Variants in NXPH1 observed in about 807,000 individuals in gnomAD.
The protein encoded by NXPH1 is neurexophilin 1, also known as neurexophilin-1.
NXPH1 carries 5 observed loss-of-function variants against 23.7 expected under a neutral mutation model. The ratio of observed to expected loss-of-function variants is 0.21; its 90% confidence interval spans 0.11 to 0.44. NXPH1 has a LOEUF of 0.44. Among genes scored for constraint, NXPH1 ranks in the 20% least tolerant of loss-of-function variants. The pLI, the probability that NXPH1 is intolerant of heterozygous loss-of-function variation, is 0.99. For missense variants in NXPH1, 324 were observed against 321.6 expected, an observed-to-expected ratio of 1.01 and a Z score of -0.06; for synonymous variants, 144 against 122.2, an observed-to-expected ratio of 1.18 and a Z score of -1.18.
At chr7:8,743,845 G>A (rs1057048322) in intron 2 of NXPH1, among the ~76,000 whole-genome samples, 4 of 151,694 alleles carry the variant, frequency 2.6e-5, no homozygotes, top group East Asian at 3.9e-4. Flanking sequence ...CACCGTGCCC[G>A]GCCAATTTTT....
chr7:8,537,533 G>C (rs1472160933), intron 2 of NXPH1, among the ~76,000 whole-genome samples: 1 of 151,850 alleles, frequency 6.6e-6, no homozygotes, highest in Non-Finnish European at 1.5e-5. Context: ...ACTATCATCA[G>C]AACAGCATGG....
At chr7:8,710,765 C>T (rs374281447) in intron 2 of NXPH1, among the ~76,000 whole-genome samples, 1 of 135,554 alleles carries the variant, frequency 7.4e-6, no homozygotes, top group African/African-American at 3.2e-5. Context: ...CGGGTTCACG[C>T]CATTCTCCTG....
intron 2 of NXPH1, among the ~76,000 whole-genome samples, chr7:8,509,803 GA>G (rs1380212016): frequency 6.6e-6 from 1 of 152,108 alleles, no homozygotes; most frequent in African/African-American, 2.4e-5. Context: ...AAACCAATGT[GA>G]AAAATGTCTC....
chr7:8,697,751 G>A (rs1487930253), intron 2 of NXPH1, among the ~76,000 whole-genome samples: 2 of 152,200 alleles, frequency 1.3e-5, no homozygotes, highest in African/African-American at 2.4e-5. Context: ...ACAGAAGCCA[G>A]AGAAAGTCTC....
intron 2 of NXPH1, among the ~76,000 whole-genome samples, chr7:8,547,177 C>T (rs925849600): frequency 1.3e-5 from 2 of 151,444 alleles, no homozygotes; most frequent in African/African-American, 4.8e-5. Flanking sequence ...AATTCCTGCA[C>T]ACAATCGCTG....
At chr7:8,524,116 C>T (rs184530200) in intron 2 of NXPH1, among the ~76,000 whole-genome samples, 136 of 151,968 alleles carry the variant, frequency 8.9e-4, no homozygotes, top group African/African-American at 3.2e-3. Context: ...GTGGCAGGCA[C>T]CTGTAATCCC....
At chr7:8,662,867 G>A (rs976547438) in intron 2 of NXPH1, among the ~76,000 whole-genome samples, 1 of 152,034 alleles carries the variant, frequency 6.6e-6, no homozygotes, top group Non-Finnish European at 1.5e-5. Context: ...ATTATTCAAT[G>A]CTTGGAAGAT....
intron 2 of NXPH1, among the ~76,000 whole-genome samples, chr7:8,732,391 G>A (rs937396717): frequency 2.0e-5 from 3 of 152,222 alleles, no homozygotes; most frequent in African/African-American, 7.2e-5. Context: ...ATTCTAGACA[G>A]AGTTGCACTT....
intron 2 of NXPH1, among the ~76,000 whole-genome samples, chr7:8,572,917 A>G (rs1818677929): frequency 6.6e-6 from 1 of 152,014 alleles, no homozygotes; most frequent in Admixed American, 6.6e-5. Context: ...TTCTTAAAAT[A>G]CAGGATTTGA....
At chr7:8,462,500 C>T (rs1213202615) in intron 2 of NXPH1, among the ~76,000 whole-genome samples, 1 of 152,164 alleles carries the variant, frequency 6.6e-6, no homozygotes, top group East Asian at 1.9e-4. Context: ...CTGAAGGATA[C>T]AGAGGTCAAA....
chr7:8,459,152 C>G lies in NXPH1; in HGVS notation c.54+23385C>G, dbSNP rs188033222. ...GAACATCTTGGGTTGTCTCTGTGGT[C>G]TAATAATTTAATGCTTATCTAAGAA... On this transcript the variant is annotated intron_variant, in intron 2 of 2. Coordinates refer to ENST00000405863, the MANE Select transcript of NXPH1 (RefSeq NM_152745.3). Among the ~76,000 whole-genome samples, 70 of 150,868 alleles carry G rather than the reference C, an allele frequency of 4.6e-4. 1 individual carries two copies. The highest frequency in any genetic ancestry group is 3.4e-3 in the Middle Eastern group (1 of 294).
intron 2 of NXPH1, among the ~76,000 whole-genome samples, chr7:8,444,659 G>GGT (rs374165986): frequency 3.9e-5 from 6 of 152,190 alleles, no homozygotes; most frequent in East Asian, 1.9e-4. Context: ...GGTTAACTGA[G>GGT]GTGTGTGTGT....
chr7:8,726,940 A>G (rs1056167160), intron 2 of NXPH1, among the ~76,000 whole-genome samples: 3 of 150,510 alleles, frequency 2.0e-5, no homozygotes. Context: ...GAACTAGTTT[A>G]CAGTCCCACC....
intron 2 of NXPH1, among the ~76,000 whole-genome samples, chr7:8,459,321 A>T (rs573638074): frequency 2.9e-4 from 44 of 152,068 alleles, no homozygotes; most frequent in Middle Eastern, 3.4e-3. Flanking sequence ...AAAGGCAAAC[A>T]CCCTTCACAA....
At chr7:8,527,202 T>C (rs1263592267) in intron 2 of NXPH1, among the ~76,000 whole-genome samples, 2 of 152,162 alleles carry the variant, frequency 1.3e-5, no homozygotes, top group East Asian at 1.9e-4. Context: ...CCGCTTCCTA[T>C]TATGTGGAGA....
At chr7:8,576,628 A>C (rs1818761317) in intron 2 of NXPH1, among the ~76,000 whole-genome samples, 2 of 152,056 alleles carry the variant, frequency 1.3e-5, no homozygotes, top group South Asian at 4.1e-4. Flanking sequence ...TGAGGTGGGA[A>C]AGTTATATTG....
At chr7:8,485,886 A>T (rs1817150363) in intron 2 of NXPH1, among the ~76,000 whole-genome samples, 1 of 152,172 alleles carries the variant, frequency 6.6e-6, no homozygotes, top group Admixed American at 6.5e-5. Context: ...TGTCATAAAA[A>T]TTAGAACAGC....
At position 8,447,803 on chromosome 7, in the gene NXPH1, C is replaced by T. The variant is rs376348561; in HGVS notation, c.54+12036C>T. On this transcript the variant is annotated intron_variant, in intron 2 of 2. Transcript: ENST00000405863. Reference sequence around the variant, plus strand: ...TTGCACAGATTGATGGATTCCCCCCCACCCTTGATGTTCCTCGAACAAGTG... The same window carrying T: ...TTGCACAGATTGATGGATTCCCCCCTACCCTTGATGTTCCTCGAACAAGTG... Among the ~76,000 whole-genome samples, 7 of 152,308 alleles carry T rather than the reference C, an allele frequency of 4.6e-5. No individual in the cohort carries two copies. In the East Asian group the frequency reaches 7.7e-4, roughly 17 times the overall value.
chr7:8,485,222 C>A (rs558226126), intron 2 of NXPH1, among the ~76,000 whole-genome samples: 4 of 152,278 alleles, frequency 2.6e-5, no homozygotes, highest in East Asian at 3.9e-4. Flanking sequence ...AGTTCCCCTG[C>A]ACGTGCTCTC....
Sources: gnomAD v4.1 joint callset for allele counts (sites outside exome capture counted in the v4.1 genomes callset) on GRCh38, gnomAD v4.1.1 for gene constraint, MANE v1.5 for transcripts, NCBI Gene and HGNC (gene_info 2026-07-23, HGNC 2026-07-21) for gene names.